Variants in MDGA2 observed in about 807,000 individuals in gnomAD.
MDGA2 encodes the protein MAM domain containing glycosylphosphatidylinositol anchor 2, also known as MAM domain-containing glycosylphosphatidylinositol anchor protein 2.
Under a neutral mutation model 117.8 loss-of-function variants are expected in MDGA2, and 40 were observed. The observed-to-expected ratio is 0.34, with a 90% CI of 0.26 to 0.44. The LOEUF (loss-of-function observed/expected upper bound fraction) is 0.44. Among genes scored for constraint, MDGA2 ranks in the 20% least tolerant of loss-of-function variants. MDGA2 has a pLI of 1.00. For synonymous variants in MDGA2, 452 were observed against 439.0 expected (o/e 1.03, Z -0.37); for missense variants, 1,123 against 1,250.6 (o/e 0.90, Z 1.54).
intron 8 of MDGA2, among the ~76,000 whole-genome samples, chr14:47,021,775 T>C (rs936571591): frequency 2.6e-5 from 4 of 152,136 alleles, no homozygotes; most frequent in Non-Finnish European, 2.9e-5. Context: ...TTTATTTGCA[T>C]AGAAAATTTG....
At position 47,561,171 on chromosome 14, in the gene MDGA2, G is replaced by GTTTTTTTTTTTTTTTTTTTTTTTT. The variant is rs1594918273; in HGVS notation, c.280+113345_280+113346insAAAAAAAAAAAAAAAAAAAAAAAA. On this transcript the variant is annotated intron_variant, in intron 1 of 16. Coordinates refer to ENST00000399232, the MANE Select transcript of MDGA2 (RefSeq NM_001113498.3). ...TTTTTTTGTTTTGTTTTGTTTTTTT[G>GTTTTTTTTTTTTTTTTTTTTTTTT]TTTGTTTGTTTTTTTTTGCTTAGGA... 5.1e-4 allele frequency among the ~76,000 whole-genome samples: 35 copies of GTTTTTTTTTTTTTTTTTTTTTTTT among 68,434 alleles called. 1 individual carries two copies. Among genetic ancestry groups the GTTTTTTTTTTTTTTTTTTTTTTTT allele is most frequent in the South Asian group, 2.0e-3 (3 of 1,528 alleles). The allele number at this position is 68,434 out of a possible 152,430, so 44.9% of individuals were successfully genotyped here. A position where few individuals can be genotyped will look rare whatever the true frequency, so the allele number is the denominator to read the frequency against.
chr14:47,383,829 C>T (rs1411409420), intron 1 of MDGA2, among the ~76,000 whole-genome samples: 1 of 152,090 alleles, frequency 6.6e-6, no homozygotes, highest in South Asian at 2.1e-4. Context: ...CCGGACGGTT[C>T]ATTAGAATTG....
chr14:47,652,653 A>G (rs926219030), intron 1 of MDGA2, among the ~76,000 whole-genome samples: 1 of 152,196 alleles, frequency 6.6e-6, no homozygotes, highest in Non-Finnish European at 1.5e-5. Flanking sequence ...TAAAACAAGT[A>G]CTGTAAAACA....
At position 47,564,922 on chromosome 14, in the gene MDGA2, T is replaced by C. The variant is rs571411195; in HGVS notation, c.280+109595A>G. 5.3e-5 allele frequency among the ~76,000 whole-genome samples: 8 copies of C among 152,346 alleles called. No homozygotes were observed. The South Asian group carries it at 1.7e-3, about 32-fold the overall frequency. ...TTTGCTGTTAATACCTGTGATTGTA[T>C]TTTGAAATTCTTGTTGAGTTTTTCA... On this transcript the variant is annotated intron_variant, in intron 1 of 16. Transcript: ENST00000399232.
chr14:47,071,546 G>T (rs1471064456), intron 6 of MDGA2, among the ~76,000 whole-genome samples: 1 of 151,700 alleles, frequency 6.6e-6, no homozygotes, highest in African/African-American at 2.4e-5. Context: ...TATAGTGTCT[G>T]TGGGTTTTTT....
At chr14:46,851,719 C>T (rs559587823) in intron 15 of MDGA2, among the ~76,000 whole-genome samples, 2 of 151,732 alleles carry the variant, frequency 1.3e-5, no homozygotes, top group African/African-American at 2.4e-5. Flanking sequence ...AAAGTTGTGC[C>T]GTCCACTTGA....
Position 46,926,280 on chromosome 14 carries a change from C to T in MDGA2, c.2090-6120G>A, listed in dbSNP as rs140590382. On this transcript the variant is annotated intron_variant, in intron 9 of 16. Coordinates refer to ENST00000399232, the MANE Select transcript of MDGA2 (RefSeq NM_001113498.3). ...GATAGGAACCAAATAATTTAAATGG[C>T]GGTAAGGAAAGAATTCCACAAAAGA... Among the ~76,000 whole-genome samples, 828 of 151,952 alleles carry T rather than the reference C, an allele frequency of 5.4e-3. 12 individuals carry two copies. The highest frequency in any genetic ancestry group is 0.019 in the African/African-American group (800 of 41,456).
chr14:47,424,176 T>C (rs749027397), intron 1 of MDGA2, among the ~76,000 whole-genome samples: 16 of 152,128 alleles, frequency 1.1e-4, no homozygotes, highest in South Asian at 4.1e-4. Flanking sequence ...ATCCCAGCAC[T>C]TTGGGATGCC....
At chr14:47,637,977 A>G (rs952390229) in intron 1 of MDGA2, among the ~76,000 whole-genome samples, 7 of 152,198 alleles carry the variant, frequency 4.6e-5, no homozygotes, top group Non-Finnish European at 8.8e-5. Flanking sequence ...CTTTGCCACC[A>G]TCATTCTCAA....
chr14:47,459,623 G>GA (rs563189876), intron 1 of MDGA2, among the ~76,000 whole-genome samples: 32 of 149,758 alleles, frequency 2.1e-4, no homozygotes, highest in African/African-American at 6.4e-4. Context: ...GCAGGTGTGG[G>GA]TTTTTTTTAT....
intron 1 of MDGA2, among the ~76,000 whole-genome samples, chr14:47,665,719 C>CCCCCAG (rs1212831746): frequency 1.1e-3 from 173 of 152,204 alleles, no homozygotes; most frequent in Middle Eastern, 3.4e-3. Flanking sequence ...CACTGCTGGC[C>CCCCCAG]CACCAGCACT....
intron 1 of MDGA2, among the ~76,000 whole-genome samples, chr14:47,313,028 AC>A (rs1441725300): frequency 6.6e-6 from 1 of 151,674 alleles, no homozygotes; most frequent in Admixed American, 6.6e-5. Context: ...ATAAAAAGTA[AC>A]TAAGCATTAT....
chr14:47,182,728 T>G lies in MDGA2; in HGVS notation c.595+35293A>C, dbSNP rs189410175. On this transcript the variant is annotated intron_variant, in intron 3 of 16. Transcript: ENST00000399232. Reference sequence around the variant, plus strand: ...CTTTGTAGTTGACATTTTGAATTAGTTGAAAATAACACCAACAATTACAAG... The same window carrying G: ...CTTTGTAGTTGACATTTTGAATTAGGTGAAAATAACACCAACAATTACAAG... 9.2e-5 allele frequency among the ~76,000 whole-genome samples: 14 copies of G among 152,320 alleles called. No homozygotes were observed. The East Asian group carries it at 2.7e-3, about 29-fold the overall frequency.
chr14:47,043,097 C>T (rs192141091), intron 7 of MDGA2, among the ~76,000 whole-genome samples: 6 of 152,102 alleles, frequency 3.9e-5, no homozygotes, highest in African/African-American at 1.4e-4. Flanking sequence ...ATGCTTGACC[C>T]ATTTCCAGTA....
chr14:47,234,231 G>A (rs145373489), intron 2 of MDGA2, among the ~76,000 whole-genome samples: 4,031 of 149,884 alleles, frequency 0.027, 80 homozygotes, highest in Middle Eastern at 0.085. Flanking sequence ...AATATTAAAT[G>A]TAAATATTCA....
intron 14 of MDGA2, among the ~76,000 whole-genome samples, chr14:46,858,428 CT>C (rs71112466): frequency 0.033 from 4,139 of 123,700 alleles, 72 homozygotes; most frequent in African/African-American, 0.12. Context: ...TTCTTTTTTT[CT>C]TTTTTTTTTT....
chr14:47,312,367 AC>A (rs1460132859), intron 1 of MDGA2, among the ~76,000 whole-genome samples: 1 of 152,118 alleles, frequency 6.6e-6, no homozygotes, highest in Non-Finnish European at 1.5e-5. Context: ...CTCCACAAGC[AC>A]TTTTACCATT....
chr14:47,070,114 C>A (rs1011269508), intron 6 of MDGA2, among the ~76,000 whole-genome samples: 2 of 152,070 alleles, frequency 1.3e-5, no homozygotes, highest in African/African-American at 4.8e-5. Flanking sequence ...ATTAAATAAT[C>A]ATAATTGACT....
intron 14 of MDGA2, among the ~76,000 whole-genome samples, chr14:46,865,571 T>C (rs373539155): frequency 1.1e-4 from 17 of 151,918 alleles, no homozygotes; most frequent in African/African-American, 4.1e-4. Flanking sequence ...AAATAAAGGG[T>C]ATTCAATTAG....
Sources: allele counts gnomAD v4.1 joint callset (sites outside exome capture counted in the v4.1 genomes callset), GRCh38; gene constraint gnomAD v4.1.1; transcripts MANE v1.5; gene names NCBI Gene and HGNC (gene_info 2026-07-23, HGNC 2026-07-21).